PLAC1: variants seen among roughly 807,000 people sequenced by gnomAD.
PLAC1 encodes placenta-specific protein 1.
For missense variants in PLAC1, 136 were observed against 163.2 expected, an observed-to-expected ratio of 0.83 and a Z score of 0.91; for synonymous variants, 68 against 62.1, an observed-to-expected ratio of 1.09 and a Z score of -0.44.
chrX:134,741,603 C>T (rs895791961), intron 1 of PLAC1, among the ~76,000 whole-genome samples: 4 of 109,448 alleles, frequency 3.7e-5, no homozygotes, highest in Non-Finnish European at 3.8e-5. Context: ...CAAATCCTAA[C>T]CCCACCTTAT....
At chrX:134,699,611 T>A (rs1193498942) in intron 2 of PLAC1, among the ~76,000 whole-genome samples, 2 of 112,741 alleles carry the variant, frequency 1.8e-5, no homozygotes, top group Non-Finnish European at 3.7e-5. Context: ...ATTTATTTTT[T>A]AAAATTTCTG....
intron 2 of PLAC1, among the ~76,000 whole-genome samples, chrX:134,715,481 C>T (rs145240340): frequency 0.023 from 2,487 of 107,037 alleles, 78 homozygotes; most frequent in African/African-American, 0.079. Flanking sequence ...GTTCTGAAAC[C>T]GTTCTACCTT....
chrX:134,692,188 C>T (rs1291020289), intron 2 of PLAC1, among the ~76,000 whole-genome samples: 1 of 111,718 alleles, frequency 9.0e-6, no homozygotes, highest in Non-Finnish European at 1.9e-5. Flanking sequence ...GGCTATCCTT[C>T]CCAGTCCCTT....
intron 2 of PLAC1, among the ~76,000 whole-genome samples, chrX:134,708,305 G>A (rs1413378561): frequency 9.0e-6 from 1 of 111,549 alleles, no homozygotes; most frequent in Non-Finnish European, 1.9e-5. Flanking sequence ...ATAGAAAGGA[G>A]TAACTATTGA....
At chrX:134,738,081 G>A (rs1377289393) in intron 1 of PLAC1, among the ~76,000 whole-genome samples, 4 of 111,601 alleles carry the variant, frequency 3.6e-5, no homozygotes. Flanking sequence ...GGGGCTTCTT[G>A]GCCACATCTT....
chrX:134,754,244 C>G (rs1183630986), intron 1 of PLAC1, among the ~76,000 whole-genome samples: 1 of 112,082 alleles, frequency 8.9e-6, no homozygotes, highest in Non-Finnish European at 1.9e-5. Context: ...AAAGCTTCAA[C>G]AAAATCCAGC....
At chrX:134,640,168 C>A (rs2078301708) in intron 1 of PLAC1, among the ~76,000 whole-genome samples, 1 of 111,751 alleles carries the variant, frequency 8.9e-6, no homozygotes, top group South Asian at 3.8e-4. Flanking sequence ...TTTTTCTACC[C>A]TATTATTTTA....
rs2078321044 is a variant in PLAC1 at position 134,644,288 on chromosome X, A to G, written c.-131+14040T>C. The stretch of plus-strand genomic sequence containing the variant: ...GGTCTGTGTCTGTCAGAAAAGAAGT[A>G]AAAGAAGGAAATTCTTCTCTCTAGG... On this transcript the variant is annotated intron_variant, in intron 1 of 2. Transcript: ENST00000359237. 3.6e-5 allele frequency among the ~76,000 whole-genome samples: 4 copies of G among 111,634 alleles called. No individual in the cohort carries two copies. In the South Asian group the frequency reaches 1.5e-3, roughly 42 times the overall value.
At chrX:134,695,948 AT>A (rs768137762) in intron 2 of PLAC1, among the ~76,000 whole-genome samples, 2 of 109,730 alleles carry the variant, frequency 1.8e-5, no homozygotes, top group African/African-American at 6.6e-5. Flanking sequence ...CACAAGAGGG[AT>A]TTTTTTTCTC....
intron 2 of PLAC1, among the ~76,000 whole-genome samples, chrX:134,697,447 A>G (rs894333457): frequency 1.8e-5 from 2 of 112,688 alleles, no homozygotes; most frequent in South Asian, 7.3e-4. Context: ...TATTTTGGTT[A>G]AAGTTTTATA....
intron 1 of PLAC1, among the ~76,000 whole-genome samples, chrX:134,620,081 C>A (rs1368082019): frequency 8.9e-6 from 1 of 112,206 alleles, no homozygotes; most frequent in African/African-American, 3.2e-5. Context: ...TATCATGAGT[C>A]AAAGGTTCTA....
intron 2 of PLAC1, among the ~76,000 whole-genome samples, chrX:134,691,755 TG>T (rs779457746): frequency 1.0e-3 from 116 of 111,180 alleles, no homozygotes; most frequent in Middle Eastern, 4.6e-3. Context: ...CTAGATGAGA[TG>T]GGGGGCACTG....
chrX:134,607,886 C>G (rs1231358019), intron 1 of PLAC1, among the ~76,000 whole-genome samples: 1 of 110,519 alleles, frequency 9.0e-6, no homozygotes, highest in East Asian at 2.8e-4. Flanking sequence ...GGATGCGGAC[C>G]CCAAGCTCCA....
intron 2 of PLAC1, among the ~76,000 whole-genome samples, chrX:134,705,146 C>T (rs1193479167): frequency 1.9e-5 from 2 of 105,128 alleles, no homozygotes; most frequent in Admixed American, 2.1e-4. Context: ...ATCGGCCAGG[C>T]ACGGTGGCTC....
chrX:134,577,828 T>C (rs1602792057), intron 2 of PLAC1, among the ~76,000 whole-genome samples: 1 of 108,569 alleles, frequency 9.2e-6, no homozygotes, highest in East Asian at 3.0e-4. Flanking sequence ...AACAAATGCA[T>C]GCATGGGAAC....
chrX:134,624,908 T>TGATA (rs58742246), intron 1 of PLAC1, among the ~76,000 whole-genome samples: 9,129 of 103,318 alleles, frequency 0.088, 328 homozygotes, highest in East Asian at 0.11. Flanking sequence ...GACAGATAAA[T>TGATA]GATAGATAGA....
chrX:134,575,078 C>G (rs1025741335), intron 2 of PLAC1, among the ~76,000 whole-genome samples: 4 of 111,071 alleles, frequency 3.6e-5, no homozygotes, highest in Admixed American at 1.9e-4. Flanking sequence ...CTCCCCTACC[C>G]CAACTTGACC....
chrX:134,631,814 A>T (rs1306381646), intron 1 of PLAC1, among the ~76,000 whole-genome samples: 1 of 112,139 alleles, frequency 8.9e-6, no homozygotes, highest in Non-Finnish European at 1.9e-5. Context: ...ACGGGCTTTA[A>T]CGTTGCAGCT....
chrX:134,613,485 A>G (rs1428310157), intron 1 of PLAC1, among the ~76,000 whole-genome samples: 1 of 110,785 alleles, frequency 9.0e-6, no homozygotes, highest in Non-Finnish European at 1.9e-5. Context: ...GGCAGTGTCT[A>G]TGTCAAAAGA....
Sources: allele counts gnomAD v4.1 joint callset (sites outside exome capture counted in the v4.1 genomes callset), GRCh38; gene constraint gnomAD v4.1.1; transcripts MANE v1.5; gene names NCBI Gene and HGNC (gene_info 2026-07-23, HGNC 2026-07-21).